Variants in CPS1 observed in about 807,000 individuals in gnomAD.
CPS1 encodes carbamoyl-phosphate synthase 1.
A neutral mutation model predicts 174.6 loss-of-function variants in CPS1; 109 were observed. The ratio of observed to expected loss-of-function variants is 0.62; its 90% confidence interval spans 0.53 to 0.73. The LOEUF is 0.73. Among genes scored for constraint, CPS1 ranks in the 30% least tolerant of loss-of-function variants. CPS1 has a pLI of 0.00. For missense variants in CPS1, 1,689 were observed against 1,821.9 expected, an observed-to-expected ratio of 0.93 and a Z score of 1.33; for synonymous variants, 637 against 632.0, an observed-to-expected ratio of 1.01 and a Z score of -0.12.
intron 1 of CPS1, among the ~76,000 whole-genome samples, chr2:210,568,727 A>T (rs1365568540): frequency 6.6e-6 from 1 of 152,090 alleles, no homozygotes; most frequent in Non-Finnish European, 1.5e-5. Flanking sequence ...AAGAAACTTA[A>T]TATTTAAGGT....
At chr2:210,607,053 G>T in intron 18 of CPS1, 112 bp downstream of exon 18, 1 of 940,774 alleles carries the variant, frequency 1.1e-6, no homozygotes, top group Non-Finnish European at 1.6e-6. Flanking sequence ...CCCTTTTTCT[G>T]TATGTTAGCT....
intron 21 of CPS1, among the ~76,000 whole-genome samples, chr2:210,630,623 A>G (rs1394953038): frequency 2.6e-5 from 4 of 152,190 alleles, no homozygotes; most frequent in African/African-American, 9.7e-5. Flanking sequence ...AATTCCTTCA[A>G]AGACCTCATT....
chr2:210,554,128 T>C (rs546247513), upstream of CPS1, among the ~76,000 whole-genome samples: 3 of 138,190 alleles, frequency 2.2e-5, no homozygotes, highest in Admixed American at 7.5e-5. Context: ...TATGTATATA[T>C]ACATACATAT....
At position 210,647,920 on chromosome 2, in the gene CPS1, C is replaced by T. The variant is rs1158352206; in HGVS notation, c.3199C>T (p.Pro1067Ser). Reference protein sequence around the residue: ...GGQIPNNLAVPLYKNGVKIMG... With the variant: ...GGQIPNNLAVSLYKNGVKIMG... ...CCAGATTCCAAACAACCTGGCAGTT[C>T]CTCTATACAAGAATGGTGTCAAGAT... The change falls in exon 26 of 38, where the codon CCT (proline) becomes TCT (serine). Residue 1067 changes from proline to serine, a missense_variant. Pro to Ser is a moderately conservative substitution (Grantham distance 74, BLOSUM62 -1). Coordinates refer to ENST00000233072, the MANE Select transcript of CPS1 (RefSeq NM_001875.5). The T allele has an allele frequency of 1.9e-6, 3 of 1,614,044 alleles. No individual in the cohort carries two copies. Among genetic ancestry groups the T allele is most frequent in the Middle Eastern group, 1.7e-4 (1 of 6,054 alleles).
At chr2:210,489,319 C>T (rs141302082) in intron 1 of CPS1, among the ~76,000 whole-genome samples, 318 of 152,314 alleles carry the variant, frequency 2.1e-3, no homozygotes, top group Non-Finnish European at 3.6e-3. Context: ...TTAACTGCTG[C>T]TGACCTTGCT....
intron 1 of CPS1, among the ~76,000 whole-genome samples, chr2:210,505,163 C>T (rs1695244532): frequency 6.6e-6 from 1 of 151,822 alleles, no homozygotes; most frequent in Admixed American, 6.6e-5. Flanking sequence ...GGAGTACAAT[C>T]ATATTGCAAA....
At chr2:210,552,724 T>C (rs1349971673), upstream of CPS1, among the ~76,000 whole-genome samples, 2 of 151,990 alleles carry the variant, frequency 1.3e-5, no homozygotes, top group Non-Finnish European at 2.9e-5. Context: ...ACTGTTTAAA[T>C]CAGTATAGAC....
At chr2:210,481,729 T>C (rs552064189) in intron 1 of CPS1, among the ~76,000 whole-genome samples, 1 of 152,396 alleles carries the variant, frequency 6.6e-6, no homozygotes, top group Admixed American at 6.5e-5. Context: ...GCTTCATTTT[T>C]CCTTTCTATT....
intron 20 of CPS1, among the ~76,000 whole-genome samples, chr2:210,613,451 C>T (rs565845377): frequency 2.6e-5 from 4 of 151,820 alleles, no homozygotes; most frequent in Admixed American, 6.6e-5. Context: ...CTGGCGGTGG[C>T]GGGTGGGATA....
chr2:210,610,749 G>A (rs537399691), intron 19 of CPS1, among the ~76,000 whole-genome samples: 7 of 151,690 alleles, frequency 4.6e-5, no homozygotes, highest in Admixed American at 4.6e-4. Context: ...GTGAGAACCT[G>A]TTTCAAAAAG....
intron 1 of CPS1, among the ~76,000 whole-genome samples, chr2:210,512,778 A>G (rs191789810): frequency 1.3e-5 from 1 of 76,620 alleles, no homozygotes; most frequent in Non-Finnish European, 2.4e-5. Context: ...ATATATATAT[A>G]TATATATGGA....
chr2:210,582,840 A>C, intron 6 of CPS1, 131 bp downstream of exon 6: 313 of 729,280 alleles, frequency 4.3e-4, no homozygotes, highest in East Asian at 8.4e-4. Flanking sequence ...AAGGGATCTC[A>C]TAGCAGCTAA....
chr2:210,660,052 C>T (rs1700866752), intron 31 of CPS1, among the ~76,000 whole-genome samples: 1 of 151,986 alleles, frequency 6.6e-6, no homozygotes, highest in South Asian at 2.1e-4. Context: ...GATGATTTTA[C>T]TGAGTAAAAT....
chr2:210,524,526 A>G (rs768132445), intron 1 of CPS1, among the ~76,000 whole-genome samples: 4 of 151,930 alleles, frequency 2.6e-5, no homozygotes, highest in African/African-American at 4.8e-5. Flanking sequence ...GTCATCCCAA[A>G]TGTATTTATC....
Position 210,576,395 on chromosome 2 carries a change from A to G in CPS1, c.286A>G (p.Met96Val), listed in dbSNP as rs1432483864. Residue 96 changes from methionine (M) to valine (V), a missense_variant, in exon 3 of 38, where the codon ATG becomes GTG. By Grantham distance (21) the Met-to-Val change is conservative. Transcript: ENST00000233072. ...TGCCTACAAAGGACAGATTCTCACAATGGCCAACCCTATTATTGGGAATGG... is the reference window on the plus strand; with the variant it reads ...TGCCTACAAAGGACAGATTCTCACAGTGGCCAACCCTATTATTGGGAATGG... ...DPAYKGQILT[M>V]ANPIIGNGGA... The G allele has an allele frequency of 1.9e-6, 3 of 1,613,792 alleles. No individual in the cohort carries two copies. The highest frequency in any genetic ancestry group is 2.2e-5 in the East Asian group (1 of 44,860).
intron 30 of CPS1, chr2:210,657,703 A>G (rs1428496323): frequency 6.6e-6 from 1 of 152,264 alleles, no homozygotes; most frequent in African/African-American, 2.4e-5. Flanking sequence ...GAGCTTTTCC[A>G]GTGACCCTGC....
At chr2:210,477,975 G>C (rs920197363) in intron 1 of CPS1, among the ~76,000 whole-genome samples, 1 of 152,134 alleles carries the variant, frequency 6.6e-6, no homozygotes, top group Non-Finnish European at 1.5e-5. Flanking sequence ...TATTTTCATA[G>C]TATGCCTCTA....
At chr2:210,487,171 C>A (rs186441487) in intron 1 of CPS1, among the ~76,000 whole-genome samples, 1,784 of 152,238 alleles carry the variant, frequency 0.012, 15 homozygotes, top group Non-Finnish European at 0.019. Context: ...ATAAGCTATT[C>A]TTAACTTTCT....
At chr2:210,571,354 G>A (rs535494380) in intron 1 of CPS1, among the ~76,000 whole-genome samples, 2 of 151,684 alleles carry the variant, frequency 1.3e-5, no homozygotes, top group African/African-American at 2.4e-5. Flanking sequence ...AGGAACACAC[G>A]CATATGCTCA....
Sources: gnomAD v4.1 joint callset for allele counts (sites outside exome capture counted in the v4.1 genomes callset) on GRCh38, gnomAD v4.1.1 for gene constraint, MANE v1.5 for transcripts, NCBI Gene and HGNC (gene_info 2026-07-23, HGNC 2026-07-21) for gene names.